Variants in NR5A1 observed in about 807,000 individuals in gnomAD.
The protein encoded by NR5A1 is nuclear receptor subfamily 5 group A member 1, also known as steroidogenic factor 1.
NR5A1 carries 6 observed loss-of-function variants against 42.7 expected under a neutral mutation model. The ratio of observed to expected loss-of-function variants is 0.14; its 90% CI spans 0.08 to 0.28. The LOEUF (loss-of-function observed/expected upper bound fraction) is 0.28, where lower values mean the gene tolerates loss of function less well. Among genes scored for constraint, NR5A1 ranks in the 10% least tolerant of loss-of-function variants. NR5A1 has a pLI of 1.00. For synonymous variants in NR5A1, 274 were observed against 277.5 expected (o/e 0.99, Z 0.12); for missense variants, 442 against 626.4 (o/e 0.71, Z 3.14).
intron 1 of NR5A1, among the ~76,000 whole-genome samples, chr9:124,506,604 G>T (rs1240905735): frequency 6.6e-6 from 1 of 152,208 alleles, no homozygotes; most frequent in Non-Finnish European, 1.5e-5. Context: ...GGGGTTGGGT[G>T]GGGGCTGGGC....
At chr9:124,485,655 G>A (rs1832196776) in intron 6 of NR5A1, among the ~76,000 whole-genome samples, 1 of 152,210 alleles carries the variant, frequency 6.6e-6, no homozygotes, top group African/African-American at 2.4e-5. Flanking sequence ...GTTCCCCGTT[G>A]TCCAGAGAGA....
intron 4 of NR5A1, among the ~76,000 whole-genome samples, chr9:124,497,115 G>C (rs1191299007): frequency 6.6e-6 from 1 of 152,228 alleles, no homozygotes; most frequent in East Asian, 1.9e-4. Context: ...CGATTAAACA[G>C]TGTAGCTAAG....
At chr9:124,487,956 G>A (rs1052148256) in intron 6 of NR5A1, among the ~76,000 whole-genome samples, 1 of 152,166 alleles carries the variant, frequency 6.6e-6, no homozygotes, top group East Asian at 1.9e-4. Flanking sequence ...TCATGTTACT[G>A]CCTGCTTAAG....
intron 6 of NR5A1, among the ~76,000 whole-genome samples, chr9:124,488,505 T>A (rs1832256337): frequency 6.6e-6 from 1 of 152,244 alleles, no homozygotes; most frequent in African/African-American, 2.4e-5. Context: ...CCAGACACAA[T>A]GATACAGATG....
chr9:124,506,249 G>A (rs982802161), intron 1 of NR5A1, among the ~76,000 whole-genome samples: 3 of 152,244 alleles, frequency 2.0e-5, no homozygotes, highest in Admixed American at 6.5e-5. Flanking sequence ...GAGAGCCTCA[G>A]TTTTCTCCGA....
rs765508480 is a variant in NR5A1 at position 124,500,578 on chromosome 9, C to T, written c.382G>A (p.Val128Met). The change falls in exon 4 of 7, where the codon GTG (valine) becomes ATG (methionine). Residue 128 changes from valine (V) to methionine (M), a missense_variant. By Grantham distance (21) the Val-to-Met change is conservative. Coordinates refer to ENST00000373588, the MANE Select transcript of NR5A1 (RefSeq NM_004959.5). The surrounding 1 kb of genome is among the most constrained non-coding windows in gnomAD (Gnocchi z 6.9). The part of the protein sequence containing the change: ...FKLETGPPMG[V>M]PPPPPPAPDY... Reference sequence around the variant, plus strand: ...GGTGCGGGAGGGGGCGGCGGGGGCACCCCCATCGGGGGCCCTGTCTCCAGC... The same window carrying T: ...GGTGCGGGAGGGGGCGGCGGGGGCATCCCCATCGGGGGCCCTGTCTCCAGC... 3.1e-6 allele frequency: 5 copies of T among 1,611,778 alleles called. No homozygotes were observed. Among genetic ancestry groups the T allele is most frequent in the Admixed American group, 1.7e-5 (1 of 60,006 alleles).
At chr9:124,495,071 G>A (rs573328071) in intron 4 of NR5A1, among the ~76,000 whole-genome samples, 2 of 152,268 alleles carry the variant, frequency 1.3e-5, no homozygotes, top group Admixed American at 6.5e-5. Flanking sequence ...CCGGGCCCAC[G>A]TGGTGGAAAA....
chr9:124,499,750 A>G (rs753951728), intron 4 of NR5A1, among the ~76,000 whole-genome samples: 7 of 152,170 alleles, frequency 4.6e-5, no homozygotes, highest in Non-Finnish European at 7.4e-5. Context: ...GCCCCAGAAT[A>G]GGGAACCCCA....
rs150663190 is a variant in NR5A1, at chr9:124,504,024, C to CAGAGAG, written c.-15-620_-15-615dup. On this transcript the variant is annotated intron_variant, in intron 1 of 6. Coordinates refer to ENST00000373588, the MANE Select transcript of NR5A1 (RefSeq NM_004959.5). ...GGAGGGATGGAGAGAGACAGGGAGA[C>CAGAGAG]AGAGAGAGAGAGAGAGAGAGAGAGA... Among the ~76,000 whole-genome samples, 42 of 105,938 alleles carry CAGAGAG rather than the reference C, an allele frequency of 4.0e-4. 1 individual carries two copies. The highest frequency in any genetic ancestry group is 3.5e-3 in the South Asian group (12 of 3,462). 69.5% of individuals were successfully genotyped at this position (105,938 alleles called of 152,430 possible).
In NR5A1 at chr9:124,501,136, C is replaced by T. The variant is rs1453364546; in HGVS notation, c.245-421G>A. 2 of 463,106 alleles carry T rather than the reference C, an allele frequency of 4.3e-6. No homozygotes were observed. The highest frequency in any genetic ancestry group is 6.5e-5 in the East Asian group (1 of 15,500). 28.7% of individuals were successfully genotyped at this position (463,106 alleles called of 1,614,324 possible). ...TTGCCCCAGGTGCCCTGTCCTTGCC[C>T]ACTCTTATCATGCTGAGTGGATCAT... On this transcript the variant is annotated intron_variant, in intron 3 of 6. Coordinates refer to ENST00000373588, the MANE Select transcript of NR5A1 (RefSeq NM_004959.5). This position sits in a 1 kb window ranked among gnomAD's most constrained non-coding sequence, Gnocchi z 4.1.
rs1384423268 is a variant in NR5A1 at position 124,501,471 on chromosome 9, C to T, written c.245-756G>A. Among the ~76,000 whole-genome samples, 1 of 152,234 alleles carries T rather than the reference C, an allele frequency of 6.6e-6. No homozygotes were observed. Among genetic ancestry groups the T allele is most frequent in the Non-Finnish European group, 1.5e-5 (1 of 68,038 alleles). ...TGTCATCAGCCAGACCCAACAGGTACATCTCTGCAGCTGGAGTGTGCCCCC... is the reference window on the plus strand; with the variant it reads ...TGTCATCAGCCAGACCCAACAGGTATATCTCTGCAGCTGGAGTGTGCCCCC... On this transcript the variant is annotated intron_variant, in intron 3 of 6. Coordinates refer to ENST00000373588, the MANE Select transcript of NR5A1 (RefSeq NM_004959.5). The surrounding 1 kb of genome is among the most constrained non-coding windows in gnomAD (Gnocchi z 4.1).
At position 124,489,676 on chromosome 9, in the gene NR5A1, C is replaced by T. The variant is rs375621683; in HGVS notation, c.1138+1405G>A. On this transcript the variant is annotated intron_variant, in intron 6 of 6. Transcript: ENST00000373588. Reference sequence around the variant, plus strand: ...GGGAGCTTCCCCAGCTGCAGCCAACCGAGCCTGGGTCCCTGAGGCTCCTGT... The same window carrying T: ...GGGAGCTTCCCCAGCTGCAGCCAACTGAGCCTGGGTCCCTGAGGCTCCTGT... Among the ~76,000 whole-genome samples the T allele has an allele frequency of 7.8e-3, 1,181 of 152,164 alleles. 15 individuals are homozygous for T. The highest frequency in any genetic ancestry group is 0.024 in the African/African-American group (990 of 41,500).
Position 124,500,087 on chromosome 9 carries a change from C to T in NR5A1, c.870+3G>A. The T allele has an allele frequency of 1.2e-6, 2 of 1,613,090 alleles. No homozygotes were observed. The highest frequency in any genetic ancestry group is 2.2e-5 in the East Asian group (1 of 44,884). On this transcript the variant is annotated splice_donor_region_variant and intron_variant, in intron 4 of 6. Coordinates refer to ENST00000373588, the MANE Select transcript of NR5A1 (RefSeq NM_004959.5). This position sits in a 1 kb window ranked among gnomAD's most constrained non-coding sequence, Gnocchi z 6.9. ...GGCCAGCCGGGCGGGAGGAGAGACT[C>T]ACCTCCAGCTCCTTGAAGACCATGC...
At chr9:124,493,289 T>C in intron 4 of NR5A1, 140 bp from the exon 5 acceptor site, 1 of 1,153,426 alleles carries the variant, frequency 8.7e-7, no homozygotes, top group Non-Finnish European at 1.2e-6. Context: ...TACCCAGATG[T>C]CTAGGCTATC....
At position 124,489,518 on chromosome 9, in the gene NR5A1, G is replaced by A. The variant is rs377248180; in HGVS notation, c.1138+1563C>T. On this transcript the variant is annotated intron_variant, in intron 6 of 6. Transcript: ENST00000373588. ...AGCACGCACGCATGCAGAGACAGACGTTCACGTAATTCCTGCAGGCTCCAC... is the reference window on the plus strand; with the variant it reads ...AGCACGCACGCATGCAGAGACAGACATTCACGTAATTCCTGCAGGCTCCAC... Among the ~76,000 whole-genome samples, 202 of 152,316 alleles carry A rather than the reference G, an allele frequency of 1.3e-3. 1 individual carries two copies. In the South Asian group the frequency reaches 0.017, roughly 13 times the overall value.
rs745511812 is a variant in NR5A1, at chr9:124,500,744, A to ACCCTC, written c.245-34_245-30dup. 4 of 1,611,620 alleles carry ACCCTC rather than the reference A, an allele frequency of 2.5e-6. No individual in the cohort carries two copies. Among genetic ancestry groups the ACCCTC allele is most frequent in the Admixed American group, 1.7e-5 (1 of 59,984 alleles). Reference sequence around the variant, plus strand: ...TGGGCAGGGGCAGAGGGTCAGACTCACCCTCTCTAAGCCCCCTTCCATGCT... The same window carrying ACCCTC: ...TGGGCAGGGGCAGAGGGTCAGACTCACCCTCCCCTCTCTAAGCCCCCTTCCATGCT... On this transcript the variant is annotated intron_variant, in intron 3 of 6. Transcript: ENST00000373588. This position sits in a 1 kb window ranked among gnomAD's most constrained non-coding sequence, Gnocchi z 6.9.
rs1832394971 is a variant in NR5A1 at position 124,496,676 on chromosome 9, T to C, written c.870+3414A>G. 6.6e-6 allele frequency among the ~76,000 whole-genome samples: 1 copy of C among 152,176 alleles called. No homozygotes were observed. On this transcript the variant is annotated intron_variant, in intron 4 of 6. Transcript: ENST00000373588. The surrounding 1 kb of genome is among the most constrained non-coding windows in gnomAD (Gnocchi z 5.0). Reference sequence around the variant, plus strand: ...CCACTGCGCTCTGCCGGCAGAGTGGTCAGTGAGGTGTCATTTGTCAGCCCA... The same window carrying C: ...CCACTGCGCTCTGCCGGCAGAGTGGCCAGTGAGGTGTCATTTGTCAGCCCA...
chr9:124,504,337 G>A (rs536983169), intron 1 of NR5A1, among the ~76,000 whole-genome samples: 1 of 152,320 alleles, frequency 6.6e-6, no homozygotes, highest in East Asian at 1.9e-4. Context: ...GCCAAGGCGA[G>A]GCCCCGCAGG....
intron 3 of NR5A1, among the ~76,000 whole-genome samples, chr9:124,502,304 C>T (rs546959172): frequency 7.2e-5 from 11 of 152,228 alleles, no homozygotes; most frequent in African/African-American, 2.6e-4. Flanking sequence ...CTTTCTCTTT[C>T]TGCCTTTTCT....
Sources: gnomAD v4.1 joint callset for allele counts (sites outside exome capture counted in the v4.1 genomes callset) on GRCh38, gnomAD v4.1.1 for gene constraint, Gnocchi (gnomAD v3.1) non-coding constraint, MANE v1.5 for transcripts, NCBI Gene and HGNC (gene_info 2026-07-23, HGNC 2026-07-21) for gene names.